TGFBRAP1: variants seen among roughly 807,000 people sequenced by gnomAD.
TGFBRAP1 encodes the protein transforming growth factor-beta receptor-associated protein 1.
A neutral mutation model predicts 83.2 loss-of-function variants in TGFBRAP1; 20 were observed. That is an observed-to-expected ratio of 0.24 (90% CI 0.17 to 0.35). The LOEUF (loss-of-function observed/expected upper bound fraction) is 0.35, where lower values mean the gene tolerates loss of function less well. Ranked by LOEUF, TGFBRAP1 falls within the 10% of genes least tolerant of loss-of-function variation. The probability of loss-of-function intolerance (pLI) is 1.00; values close to 1 mark genes in which losing one functional copy is unlikely to be tolerated. For synonymous variants in TGFBRAP1, 415 were observed against 459.8 expected, an observed-to-expected ratio of 0.90 and a Z score of 1.25; for missense variants, 950 against 1,099.4, an observed-to-expected ratio of 0.86 and a Z score of 1.92.
intron 4 of TGFBRAP1, among the ~76,000 whole-genome samples, chr2:105,286,780 T>C (rs532351867): frequency 5.3e-5 from 8 of 152,214 alleles, no homozygotes; most frequent in Non-Finnish European, 1.0e-4. Context: ...ATCAGTATTA[T>C]ATTTCTGAAC....
intron 5 of TGFBRAP1, among the ~76,000 whole-genome samples, chr2:105,283,010 A>G (rs1447441798): frequency 6.6e-6 from 1 of 152,166 alleles, no homozygotes; most frequent in Non-Finnish European, 1.5e-5. Context: ...ATCTGTGGAC[A>G]ATCACCTAAT....
chr2:105,284,755 A>AAT (rs1320112682), intron 4 of TGFBRAP1, among the ~76,000 whole-genome samples: 17 of 152,272 alleles, frequency 1.1e-4, no homozygotes, highest in Non-Finnish European at 1.6e-4. Flanking sequence ...TTGAACTCAC[A>AAT]GTACCACCTT....
chr2:105,254,508 A>G, the TGFBRAP1 span, among the ~76,000 whole-genome samples: 2 of 152,112 alleles, frequency 1.3e-5, no homozygotes, highest in African/African-American at 4.8e-5. Context: ...TATAAAAGAA[A>G]CAATTATTGA....
the TGFBRAP1 span, among the ~76,000 whole-genome samples, chr2:105,253,643 C>G: frequency 1.3e-5 from 2 of 152,132 alleles, no homozygotes; most frequent in Non-Finnish European, 2.9e-5. Context: ...CTATGTTGCC[C>G]AGGCTCATCT....
chr2:105,273,271 A>C (rs1440691082), intron 9 of TGFBRAP1, among the ~76,000 whole-genome samples: 3 of 152,222 alleles, frequency 2.0e-5, no homozygotes, highest in African/African-American at 7.2e-5. Flanking sequence ...AAAAAGGTAT[A>C]GCTCCCTTTA....
chr2:105,328,155 G>A (rs1679274152), intron 1 of TGFBRAP1, among the ~76,000 whole-genome samples: 2 of 152,124 alleles, frequency 1.3e-5, no homozygotes, highest in African/African-American at 4.8e-5. Flanking sequence ...TTTTGATGGA[G>A]GAATTTGAGA....
In TGFBRAP1 at chr2:105,264,773, C is replaced by T. The variant is rs1441268208; in HGVS notation, c.*2610G>A. 1.3e-5 allele frequency: 2 copies of T among 152,242 alleles called. No individual in the cohort carries two copies. The highest frequency in any genetic ancestry group is 1.3e-4 in the Admixed American group (2 of 15,284). 9.4% of individuals were successfully genotyped at this position (152,242 alleles called of 1,614,324 possible). ...TACTTGATAGGGAACAGCAGATAAA[C>T]AGTTCCAAAAACCAAATGGTATTGC... is the stretch of plus-strand genomic sequence containing the variant. On this transcript the variant is annotated 3_prime_UTR_variant, in exon 12 of 12. Coordinates refer to ENST00000393359, the MANE Select transcript of TGFBRAP1 (RefSeq NM_004257.6).
At chr2:105,281,195 C>T (rs1677525844) in intron 5 of TGFBRAP1, among the ~76,000 whole-genome samples, 1 of 152,232 alleles carries the variant, frequency 6.6e-6, no homozygotes, top group African/African-American at 2.4e-5. Context: ...TTACAACTTC[C>T]TCACCAACAT....
intron 8 of TGFBRAP1, among the ~76,000 whole-genome samples, chr2:105,275,256 GAC>G (rs1265734541): frequency 6.6e-6 from 1 of 152,200 alleles, no homozygotes; most frequent in East Asian, 1.9e-4. Context: ...GGGGTTCACA[GAC>G]ACAAGTTCTT....
intron 2 of TGFBRAP1, among the ~76,000 whole-genome samples, chr2:105,301,901 G>A (rs1265854532): frequency 6.7e-6 from 1 of 149,788 alleles, no homozygotes; most frequent in African/African-American, 2.5e-5. Context: ...CACACCTGGT[G>A]AGATCATATC....
chr2:105,287,572 C>T (rs1436835218), intron 4 of TGFBRAP1, among the ~76,000 whole-genome samples: 5 of 152,098 alleles, frequency 3.3e-5, no homozygotes, highest in Non-Finnish European at 7.3e-5. Context: ...TATTCTATCC[C>T]TCCACGCTGC....
At chr2:105,321,841 A>G (rs1025497135) in intron 1 of TGFBRAP1, among the ~76,000 whole-genome samples, 2 of 152,248 alleles carry the variant, frequency 1.3e-5, no homozygotes, top group Admixed American at 6.5e-5. Context: ...AAAGTCTAGC[A>G]CATTCAATTA....
chr2:105,306,035 C>T (rs977491945), intron 2 of TGFBRAP1, among the ~76,000 whole-genome samples: 21 of 150,810 alleles, frequency 1.4e-4, no homozygotes, highest in African/African-American at 4.4e-4. Context: ...GGAACCCTTA[C>T]GGAGTTTTCT....
At chr2:105,311,426 A>C (rs1319203862) in intron 1 of TGFBRAP1, among the ~76,000 whole-genome samples, 1 of 152,086 alleles carries the variant, frequency 6.6e-6, no homozygotes, top group East Asian at 1.9e-4. Flanking sequence ...TACAAAAAAA[A>C]TATAAAAACT....
At chr2:105,310,533 G>C (rs1678656541) in intron 1 of TGFBRAP1, among the ~76,000 whole-genome samples, 2 of 152,098 alleles carry the variant, frequency 1.3e-5, no homozygotes. Context: ...GGGAAGTGTA[G>C]AGGGAGGTTC....
rs541190350 is a variant in TGFBRAP1, at chr2:105,323,329, G to C, written c.-18+6296C>G. Among the ~76,000 whole-genome samples the C allele has an allele frequency of 4.6e-5, 7 of 152,230 alleles. No individual in the cohort carries two copies. The East Asian group carries it at 1.4e-3, about 29-fold the overall frequency. On this transcript the variant is annotated intron_variant, in intron 1 of 11. Transcript: ENST00000393359. Reference sequence around the variant, plus strand: ...CAGCTTCCTGAAACAGAAACAGCGTGGGCAGCTGCCAAGGGACCTGCTGCT... The same window carrying C: ...CAGCTTCCTGAAACAGAAACAGCGTCGGCAGCTGCCAAGGGACCTGCTGCT...
downstream of TGFBRAP1, among the ~76,000 whole-genome samples, chr2:105,262,326 C>T (rs1319129396): frequency 4.6e-5 from 7 of 152,230 alleles, no homozygotes; most frequent in East Asian, 9.7e-4. Context: ...TGTTAGTTCA[C>T]GTGAGAGCTG....
At position 105,267,692 on chromosome 2, in the gene TGFBRAP1, A is replaced by G. The variant is rs79127156; in HGVS notation, c.2407-133T>C. The G allele has an allele frequency of 1.5e-3, 2,275 of 1,476,694 alleles. 33 individuals are homozygous for G. The African/African-American group carries it at 0.03, about 19-fold the overall frequency. The allele number at this position is 1,476,694 out of a possible 1,614,324, so 91.5% of individuals were successfully genotyped here. On this transcript the variant is annotated intron_variant, in intron 11 of 11. Transcript: ENST00000393359. ...TATGATGAGGATTTCTTTAATATCAACTTCTTGAAATGAAATGCTAAAGGT... is the reference window on the plus strand; with the variant it reads ...TATGATGAGGATTTCTTTAATATCAGCTTCTTGAAATGAAATGCTAAAGGT...
rs115122889 is a variant in TGFBRAP1 at position 105,276,695 on chromosome 2, G to T, written c.1521+919C>A. Among the ~76,000 whole-genome samples the T allele has an allele frequency of 8.2e-3, 1,252 of 152,212 alleles. 19 individuals carry two copies. The highest frequency in any genetic ancestry group is 0.029 in the African/African-American group (1,209 of 41,512). ...ATAAAGCTGTAACTGAGAACACCAGGTTTTTGAAAATGAAAATTTTATCAC... is the reference window on the plus strand; with the variant it reads ...ATAAAGCTGTAACTGAGAACACCAGTTTTTTGAAAATGAAAATTTTATCAC... On this transcript the variant is annotated intron_variant, in intron 7 of 11. Transcript: ENST00000393359.
Sources: allele counts gnomAD v4.1 joint callset (sites outside exome capture counted in the v4.1 genomes callset), GRCh38; gene constraint gnomAD v4.1.1; transcripts MANE v1.5; gene names NCBI Gene and HGNC (gene_info 2026-07-23, HGNC 2026-07-21).